Variants in AGAP1 observed in about 807,000 individuals in gnomAD.
The protein encoded by AGAP1 is ArfGAP with GTPase domain, ankyrin repeat and PH domain 1, also known as arf-GAP with GTPase, ANK repeat and PH domain-containing protein 1.
In AGAP1, 29 loss-of-function variants were observed where a neutral mutation model predicts 105.3. The observed-to-expected ratio is 0.28, with a 90% confidence interval of 0.21 to 0.38. AGAP1 has a LOEUF of 0.38. Among genes scored for constraint, AGAP1 ranks in the 10% least tolerant of loss-of-function variants. The pLI, the probability that AGAP1 is intolerant of heterozygous loss-of-function variation, is 1.00. For synonymous variants in AGAP1, 509 were observed against 485.9 expected, an observed-to-expected ratio of 1.05 and a Z score of -0.63; for missense variants, 998 against 1,165.1, an observed-to-expected ratio of 0.86 and a Z score of 2.09.
At chr2:235,832,404 A>T (rs1559540346) in intron 9 of AGAP1, among the ~76,000 whole-genome samples, 1 of 152,192 alleles carries the variant, frequency 6.6e-6, no homozygotes, top group East Asian at 1.9e-4. Flanking sequence ...TTACAGTTTG[A>T]TAAAATTAAT....
Position 235,660,946 on chromosome 2 carries a change from T to A in AGAP1, c.164-48233T>A, listed in dbSNP as rs1439597636. ...CAGCCTCTTAGCCACTCAGTGCAAC[T>A]GTGGAGACTGGAGGGTGTCGGGGCG... is the stretch of plus-strand genomic sequence containing the variant. On this transcript the variant is annotated intron_variant, in intron 1 of 17. Transcript: ENST00000304032. This position sits in a 1 kb window ranked among gnomAD's most constrained non-coding sequence, Gnocchi z 5.3. 6.6e-6 allele frequency among the ~76,000 whole-genome samples: 1 copy of A among 152,146 alleles called. No homozygotes were observed. Among genetic ancestry groups the A allele is most frequent in the Non-Finnish European group, 1.5e-5 (1 of 68,040 alleles).
chr2:235,589,688 T>TATAG (rs532397559), intron 1 of AGAP1, among the ~76,000 whole-genome samples: 100 of 151,904 alleles, frequency 6.6e-4, no homozygotes, highest in African/African-American at 1.5e-3. Context: ...CTCAAAAAAA[T>TATAG]ATAGATAGAT....
Position 235,754,370 on chromosome 2 carries a change from A to G in AGAP1, c.673+3882A>G, listed in dbSNP as rs887646179. Among the ~76,000 whole-genome samples, 2 of 152,100 alleles carry G rather than the reference A, an allele frequency of 1.3e-5. No individual in the cohort carries two copies. The highest frequency in any genetic ancestry group is 4.8e-5 in the African/African-American group (2 of 41,400). On this transcript the variant is annotated intron_variant, in intron 6 of 17. Coordinates refer to ENST00000304032, the MANE Select transcript of AGAP1 (RefSeq NM_001037131.3). The surrounding 1 kb of genome is among the most constrained non-coding windows in gnomAD (Gnocchi z 4.6). ...TTTACTTTTTATACCTGTATATGGT[A>G]GAAAGAAAACATAAAGGAAAAGCGT...
intron 16 of AGAP1, among the ~76,000 whole-genome samples, chr2:236,102,150 G>T (rs944873185): frequency 5.9e-5 from 9 of 152,290 alleles, no homozygotes; most frequent in South Asian, 4.1e-4. Flanking sequence ...GGGCGCGGTG[G>T]CTCACGCCTG....
Position 235,734,310 on chromosome 2 carries a change from C to T in AGAP1, c.311-6653C>T, listed in dbSNP as rs1008381903. ...GACCCAGGACCTGCCAGCCATGCTC[C>T]TCCTGTCTTTCTCCCTTCCAGTCTG... On this transcript the variant is annotated intron_variant, in intron 3 of 17. Coordinates refer to ENST00000304032, the MANE Select transcript of AGAP1 (RefSeq NM_001037131.3). The surrounding 1 kb of genome is among the most constrained non-coding windows in gnomAD (Gnocchi z 5.3). Among the ~76,000 whole-genome samples, 3 of 152,172 alleles carry T rather than the reference C, an allele frequency of 2.0e-5. No individual in the cohort carries two copies. Among genetic ancestry groups the T allele is most frequent in the Non-Finnish European group, 4.4e-5 (3 of 68,034 alleles).
intron 1 of AGAP1, among the ~76,000 whole-genome samples, chr2:235,646,857 C>T (rs184336228): frequency 9.5e-4 from 145 of 152,252 alleles, no homozygotes; most frequent in African/African-American, 2.2e-3. Flanking sequence ...AGAGTCTTGC[C>T]GCGTGCGGTG....
intron 1 of AGAP1, among the ~76,000 whole-genome samples, chr2:235,653,617 A>T (rs1368579300): frequency 1.3e-5 from 2 of 152,222 alleles, no homozygotes; most frequent in African/African-American, 2.4e-5. Flanking sequence ...AGGGGGAGCT[A>T]TCCAAGACAG....
chr2:235,886,298 G>T (rs58237811), intron 10 of AGAP1, among the ~76,000 whole-genome samples: 3,509 of 152,340 alleles, frequency 0.023, 123 homozygotes, highest in African/African-American at 0.074. Context: ...AAAAGTGAGA[G>T]CTGATGGATG....
rs1042554401 is a variant in AGAP1, at chr2:235,830,570, C to T, written c.1050+23239C>T. 2.0e-5 allele frequency among the ~76,000 whole-genome samples: 3 copies of T among 150,320 alleles called. No homozygotes were observed. The highest frequency in any genetic ancestry group is 6.6e-5 in the Admixed American group (1 of 15,066). Reference sequence around the variant, plus strand: ...CAGTTCAGAAGTGTTGCATGCTGAGCACTCTTTGTGAGATACTTTGGGGGC... The same window carrying T: ...CAGTTCAGAAGTGTTGCATGCTGAGTACTCTTTGTGAGATACTTTGGGGGC... On this transcript the variant is annotated intron_variant, in intron 9 of 17. Coordinates refer to ENST00000304032, the MANE Select transcript of AGAP1 (RefSeq NM_001037131.3). This position sits in a 1 kb window ranked among gnomAD's most constrained non-coding sequence, Gnocchi z 5.5.
chr2:235,571,124 T>G (rs1470783134), intron 1 of AGAP1, among the ~76,000 whole-genome samples: 1 of 152,084 alleles, frequency 6.6e-6, no homozygotes, highest in Non-Finnish European at 1.5e-5. Context: ...AACAACCAAA[T>G]CTCGTGAGAA....
At chr2:236,037,871 G>A (rs1047104506) in intron 14 of AGAP1, among the ~76,000 whole-genome samples, 20 of 152,264 alleles carry the variant, frequency 1.3e-4, no homozygotes, top group Admixed American at 1.2e-3. Flanking sequence ...TTCAGACTAT[G>A]ATCAACTAGA....
At chr2:236,018,411 C>T (rs977955514) in intron 13 of AGAP1, among the ~76,000 whole-genome samples, 1 of 152,204 alleles carries the variant, frequency 6.6e-6, no homozygotes, top group Non-Finnish European at 1.5e-5. Context: ...GGAGGAAACT[C>T]GGGAGGGAGG....
At chr2:236,052,442 G>A (rs530290657) in intron 16 of AGAP1, among the ~76,000 whole-genome samples, 142 of 152,238 alleles carry the variant, frequency 9.3e-4, no homozygotes, top group Middle Eastern at 6.8e-3. Context: ...GACAGCAGGC[G>A]CCCTGGACAG....
Position 235,983,194 on chromosome 2 carries a change from C to A in AGAP1, c.1645+14571C>A, listed in dbSNP as rs977939391. Among the ~76,000 whole-genome samples the A allele has an allele frequency of 6.6e-6, 1 of 151,942 alleles. No individual in the cohort carries two copies. Among genetic ancestry groups the A allele is most frequent in the African/African-American group, 2.4e-5 (1 of 41,378 alleles). ...GACAGGATGGGGGGTTATGGAAGTG[C>A]CCAGCAAGGGGAGCTGCAGGAGGGT... On this transcript the variant is annotated intron_variant, in intron 13 of 17. Coordinates refer to ENST00000304032, the MANE Select transcript of AGAP1 (RefSeq NM_001037131.3). The surrounding 1 kb of genome is among the most constrained non-coding windows in gnomAD (Gnocchi z 4.5).
chr2:235,909,384 CTG>C (rs1191591573), intron 11 of AGAP1, among the ~76,000 whole-genome samples: 1 of 152,162 alleles, frequency 6.6e-6, no homozygotes, highest in East Asian at 1.9e-4. Flanking sequence ...CTTTAGTTCT[CTG>C]TATTCTCTTT....
rs963870680 is a variant in AGAP1 at position 235,609,598 on chromosome 2, G to A, written c.164-99581G>A. 2.0e-5 allele frequency among the ~76,000 whole-genome samples: 3 copies of A among 152,116 alleles called. No individual in the cohort carries two copies. The highest frequency in any genetic ancestry group is 4.4e-5 in the Non-Finnish European group (3 of 68,018). On this transcript the variant is annotated intron_variant, in intron 1 of 17. Transcript: ENST00000304032. This position sits in a 1 kb window ranked among gnomAD's most constrained non-coding sequence, Gnocchi z 5.1. The stretch of plus-strand genomic sequence containing the variant: ...TCACTTTGACCCCGGACCTGCATGC[G>A]CGCTGAGGATGGCAGAGGGGCTCCT...
chr2:235,544,084 C>T (rs1485747472), intron 1 of AGAP1, among the ~76,000 whole-genome samples: 2 of 152,174 alleles, frequency 1.3e-5, no homozygotes, highest in Non-Finnish European at 1.5e-5. Context: ...GAATGCAGAG[C>T]GATTCGTGGT....
chr2:235,632,767 A>C (rs1445075341), intron 1 of AGAP1, among the ~76,000 whole-genome samples: 3 of 152,098 alleles, frequency 2.0e-5, no homozygotes, highest in Non-Finnish European at 2.9e-5. Flanking sequence ...AAGAGACTTG[A>C]TAGCCGGCCA....
Position 236,036,643 on chromosome 2 carries a change from G to A in AGAP1, c.1728G>A (p.Arg576=), listed in dbSNP as rs373615465. ...WHFEATTYEE[R]DAWVQAIESQ... is the part of the protein sequence containing the mutation. Reference sequence around the variant, plus strand: ...TTGAAGCCACGACGTATGAGGAGCGGGACGCCTGGGTCCAAGCCATCGAGA... The same window carrying A: ...TTGAAGCCACGACGTATGAGGAGCGAGACGCCTGGGTCCAAGCCATCGAGA... Residue 576 remains arginine, a synonymous_variant, in exon 14 of 18, where the codon CGG becomes CGA. Coordinates refer to ENST00000304032, the MANE Select transcript of AGAP1 (RefSeq NM_001037131.3). The surrounding 1 kb of genome is among the most constrained non-coding windows in gnomAD (Gnocchi z 5.7). 1.2e-5 allele frequency: 19 copies of A among 1,614,090 alleles called. No individual in the cohort carries two copies. Among genetic ancestry groups the A allele is most frequent in the Non-Finnish European group, 1.4e-5 (17 of 1,180,058 alleles).
Sources: allele counts gnomAD v4.1 joint callset (sites outside exome capture counted in the v4.1 genomes callset), GRCh38; gene constraint gnomAD v4.1.1; non-coding constraint Gnocchi (gnomAD v3.1); transcripts MANE v1.5; gene names NCBI Gene and HGNC (gene_info 2026-07-23, HGNC 2026-07-21).